LPAR3: variants seen among roughly 807,000 people sequenced by gnomAD.
The protein encoded by LPAR3 is LPA receptor 3.
Under a neutral mutation model 17.8 loss-of-function variants are expected in LPAR3, and 7 were observed. That is an observed-to-expected ratio of 0.39 (90% CI 0.22 to 0.74). The LOEUF is 0.74. LPAR3 is among the 30% of genes least tolerant of loss of function. The pLI is 0.40. For missense variants in LPAR3, 391 were observed against 453.4 expected (o/e 0.86, Z 1.25); for synonymous variants, 179 against 179.9 (o/e 0.99, Z 0.04).
chr1:84,854,641 T>G (rs546925745), intron 2 of LPAR3, among the ~76,000 whole-genome samples: 1 of 152,188 alleles, frequency 6.6e-6, no homozygotes, highest in Non-Finnish European at 1.5e-5. Context: ...CCATGTCTCA[T>G]AGTTAGTACA....
intron 2 of LPAR3, among the ~76,000 whole-genome samples, chr1:84,845,810 A>C (rs965681103): frequency 6.6e-6 from 1 of 152,172 alleles, no homozygotes; most frequent in African/African-American, 2.4e-5. Flanking sequence ...TTTTAGAAAA[A>C]AGTAGGGGCA....
intron 2 of LPAR3, among the ~76,000 whole-genome samples, chr1:84,850,427 AAAG>A (rs1250968620): frequency 1.3e-5 from 2 of 151,692 alleles, no homozygotes; most frequent in South Asian, 2.1e-4. Flanking sequence ...AGAAAAAGAA[AAAG>A]AAAAAAAATA....
chr1:84,847,368 G>A (rs1165776971), intron 2 of LPAR3, among the ~76,000 whole-genome samples: 1 of 152,224 alleles, frequency 6.6e-6, no homozygotes, highest in Non-Finnish European at 1.5e-5. Flanking sequence ...GCATGTGTGT[G>A]TGGGAGTGGA....
chr1:84,841,728 G>A lies in LPAR3; in HGVS notation c.736+23657C>T, dbSNP rs1003520176. On this transcript the variant is annotated intron_variant, in intron 2 of 2. Coordinates refer to ENST00000370611, the MANE Select transcript of LPAR3 (RefSeq NM_012152.3). The stretch of plus-strand genomic sequence containing the variant: ...TATCCTCCATTCATACGGTAACACA[G>A]GTGAGGCTCCTGACAAATGTGATTT... Among the ~76,000 whole-genome samples the A allele has an allele frequency of 3.3e-5, 5 of 152,156 alleles. No homozygotes were observed. The South Asian group carries it at 1.0e-3, about 32-fold the overall frequency.
intron 2 of LPAR3, among the ~76,000 whole-genome samples, chr1:84,851,499 G>A (rs1659711736): frequency 6.6e-6 from 1 of 152,210 alleles, no homozygotes; most frequent in African/African-American, 2.4e-5. Context: ...GGGTAAGAGA[G>A]GCACTTAGCA....
chr1:84,849,265 C>G (rs1227025512), intron 2 of LPAR3, among the ~76,000 whole-genome samples: 1 of 149,766 alleles, frequency 6.7e-6, no homozygotes, highest in Non-Finnish European at 1.5e-5. Context: ...GTCCCAGCTA[C>G]TCGGGAGGCT....
chr1:84,876,718 A>G (rs1438529944), intron 1 of LPAR3, among the ~76,000 whole-genome samples: 1 of 152,216 alleles, frequency 6.6e-6, no homozygotes, highest in African/African-American at 2.4e-5. Flanking sequence ...TTGTCTTTCA[A>G]AGTACATTGT....
At chr1:84,884,387 C>G (rs1374248875) in intron 1 of LPAR3, among the ~76,000 whole-genome samples, 1 of 152,208 alleles carries the variant, frequency 6.6e-6, no homozygotes, top group East Asian at 1.9e-4. Context: ...AGCGCTATTT[C>G]TTTGTGGCAC....
rs1180052514 is a variant in LPAR3 at position 84,811,674 on chromosome 1, G to A, written c.*2172C>T. ...CAGATAGACCCACATACTATACAGA[G>A]TTTGTGAAATCTACACTTTCAAATC... On this transcript the variant is annotated 3_prime_UTR_variant, in exon 3 of 3. Transcript: ENST00000370611. The A allele has an allele frequency of 6.6e-6, 1 of 151,096 alleles. No individual in the cohort carries two copies. The highest frequency in any genetic ancestry group is 2.4e-5 in the African/African-American group (1 of 41,028). The allele number at this position is 151,096 out of a possible 1,614,324, so 9.4% of individuals were successfully genotyped here. A position where few individuals can be genotyped will look rare whatever the true frequency, so the allele number is the denominator to read the frequency against.
rs144098367 is a variant in LPAR3, at chr1:84,857,813, T to G, written c.736+7572A>C. On this transcript the variant is annotated intron_variant, in intron 2 of 2. Coordinates refer to ENST00000370611, the MANE Select transcript of LPAR3 (RefSeq NM_012152.3). ...TCTGCTACTAACCTTGAGCAAGACATTGAACCTTTTCGGGCCTCAGTTTCC... is the reference window on the plus strand; with the variant it reads ...TCTGCTACTAACCTTGAGCAAGACAGTGAACCTTTTCGGGCCTCAGTTTCC... Among the ~76,000 whole-genome samples the G allele has an allele frequency of 3.9e-3, 599 of 152,304 alleles. 8 individuals are homozygous for G. Among genetic ancestry groups the G allele is most frequent in the East Asian group, 5.6e-3 (29 of 5,188 alleles).
At chr1:84,875,405 A>G (rs140185278) in intron 1 of LPAR3, among the ~76,000 whole-genome samples, 8 of 152,336 alleles carry the variant, frequency 5.3e-5, no homozygotes, top group South Asian at 4.1e-4. Context: ...GAGAGGTAGG[A>G]CTTTTAAGAG....
At chr1:84,829,304 G>A (rs1039749613) in intron 2 of LPAR3, among the ~76,000 whole-genome samples, 4 of 151,846 alleles carry the variant, frequency 2.6e-5, no homozygotes, top group Non-Finnish European at 5.9e-5. Context: ...TGTATAAGGT[G>A]CTGTCTAGTT....
At chr1:84,824,507 G>A (rs779475799) in intron 2 of LPAR3, among the ~76,000 whole-genome samples, 4 of 152,122 alleles carry the variant, frequency 2.6e-5, no homozygotes, top group Admixed American at 6.6e-5. Context: ...AATGAGCATA[G>A]GCTTGAAATC....
At chr1:84,830,240 T>C (rs1021450095) in intron 2 of LPAR3, among the ~76,000 whole-genome samples, 9 of 152,150 alleles carry the variant, frequency 5.9e-5, no homozygotes, top group African/African-American at 1.9e-4. Context: ...GTATTGAGTA[T>C]CTGAACTCCT....
chr1:84,887,184 G>C (rs1024498222), intron 1 of LPAR3, among the ~76,000 whole-genome samples: 5 of 150,696 alleles, frequency 3.3e-5, no homozygotes, highest in African/African-American at 1.2e-4. Context: ...GGGCACCATG[G>C]TGAAACCAAC....
chr1:84,859,635 A>T (rs1056417061), intron 2 of LPAR3, among the ~76,000 whole-genome samples: 7 of 152,186 alleles, frequency 4.6e-5, no homozygotes, highest in African/African-American at 7.2e-5. Context: ...ACACACTCTG[A>T]CATTTTCTCT....
chr1:84,864,604 A>G (rs1243734781), intron 2 of LPAR3, among the ~76,000 whole-genome samples: 1 of 152,040 alleles, frequency 6.6e-6, no homozygotes, highest in Non-Finnish European at 1.5e-5. Context: ...CAACATGGAG[A>G]AACCCCATCT....
rs116070795 is a variant in LPAR3 at position 84,815,211 on chromosome 1, C to A, written c.737-1040G>T. Among the ~76,000 whole-genome samples, 1,201 of 152,292 alleles carry A rather than the reference C, an allele frequency of 7.9e-3. 15 individuals carry two copies. The highest frequency in any genetic ancestry group is 8.9e-3 in the Non-Finnish European group (605 of 68,038). On this transcript the variant is annotated intron_variant, in intron 2 of 2. Coordinates refer to ENST00000370611, the MANE Select transcript of LPAR3 (RefSeq NM_012152.3). ...TAAGAGACACGATTTTGAACAGAGGCCGTCTTTCTCCACAGGCTGTGCCCT... is the reference window on the plus strand; with the variant it reads ...TAAGAGACACGATTTTGAACAGAGGACGTCTTTCTCCACAGGCTGTGCCCT...
chr1:84,827,504 A>G (rs545189132), intron 2 of LPAR3, among the ~76,000 whole-genome samples: 1 of 152,248 alleles, frequency 6.6e-6, no homozygotes, highest in Admixed American at 6.5e-5. Flanking sequence ...AGTGGAGCCT[A>G]CTGCTCACAC....
Sources: gnomAD v4.1 joint callset for allele counts (sites outside exome capture counted in the v4.1 genomes callset) on GRCh38, gnomAD v4.1.1 for gene constraint, MANE v1.5 for transcripts, NCBI Gene and HGNC (gene_info 2026-07-23, HGNC 2026-07-21) for gene names.